The following RERE variants were observed in gnomAD, a reference collection of about 807,000 sequenced individuals.
RERE encodes arginine-glutamic acid dipeptide repeats.
Under a neutral mutation model 146.1 loss-of-function variants are expected in RERE, and 40 were observed. That is an observed-to-expected ratio of 0.27 (90% CI 0.21 to 0.36). The LOEUF is 0.36. Among genes scored for constraint, RERE ranks in the 10% least tolerant of loss-of-function variants. The pLI is 1.00. For synonymous variants in RERE, 1,003 were observed against 866.0 expected, an observed-to-expected ratio of 1.16 and a Z score of -2.78; for missense variants, 1,933 against 2,138.7, an observed-to-expected ratio of 0.90 and a Z score of 1.90.
intron 1 of RERE, among the ~76,000 whole-genome samples, chr1:8,761,991 T>G (rs1342808564): frequency 6.6e-6 from 1 of 152,218 alleles, no homozygotes; most frequent in Non-Finnish European, 1.5e-5. Flanking sequence ...ACTCTCTTCC[T>G]TTCATGACAT....
intron 8 of RERE, among the ~76,000 whole-genome samples, chr1:8,502,595 G>A (rs1645188263): frequency 6.7e-6 from 1 of 148,590 alleles, no homozygotes; most frequent in African/African-American, 2.5e-5. Flanking sequence ...TGTGCCCAGC[G>A]GCTCATTGGG....
At chr1:8,681,751 C>T (rs771582555) in intron 1 of RERE, among the ~76,000 whole-genome samples, 14 of 152,048 alleles carry the variant, frequency 9.2e-5, no homozygotes, top group East Asian at 1.9e-4. Context: ...TAGGTACTAA[C>T]GCAATCACCA....
intron 12 of RERE, among the ~76,000 whole-genome samples, chr1:8,399,511 C>T (rs1436891920): frequency 1.3e-5 from 2 of 152,160 alleles, no homozygotes; most frequent in Non-Finnish European, 2.9e-5. Context: ...TGCATCAATA[C>T]CACCAGGTCT....
intron 1 of RERE, among the ~76,000 whole-genome samples, chr1:8,666,908 C>T (rs1402140065): frequency 6.6e-6 from 1 of 152,214 alleles, no homozygotes; most frequent in African/African-American, 2.4e-5. Flanking sequence ...TAAACTCAAT[C>T]AATCCTGCTA....
chr1:8,504,869 T>C lies in RERE; in HGVS notation c.879+3758A>G, dbSNP rs115992766. Among the ~76,000 whole-genome samples, 1,219 of 151,238 alleles carry C rather than the reference T, an allele frequency of 8.1e-3. 12 individuals are homozygous for C. The highest frequency in any genetic ancestry group is 0.028 in the African/African-American group (1,164 of 41,308). On this transcript the variant is annotated intron_variant, in intron 8 of 22. Coordinates refer to ENST00000400908, the MANE Select transcript of RERE (RefSeq NM_001042681.2). ...CTCCGTCTCAAAAAAAAAAAATAAATGATCAGTGGCTGCTAATTACAATTA... is the reference window on the plus strand; with the variant it reads ...CTCCGTCTCAAAAAAAAAAAATAAACGATCAGTGGCTGCTAATTACAATTA...
chr1:8,815,774 T>C (rs1429274981), intron 1 of RERE, among the ~76,000 whole-genome samples: 3 of 151,828 alleles, frequency 2.0e-5, no homozygotes, highest in Admixed American at 6.6e-5. Context: ...GTCCCAAATA[T>C]GGGAGAGAGA....
chr1:8,370,258 C>G (rs1641984054), intron 12 of RERE, among the ~76,000 whole-genome samples: 1 of 152,020 alleles, frequency 6.6e-6, no homozygotes, highest in South Asian at 2.1e-4. Flanking sequence ...AGCAGGCAGA[C>G]AGGGACGGTG....
chr1:8,767,140 T>G (rs1445045993), intron 1 of RERE, among the ~76,000 whole-genome samples: 1 of 152,148 alleles, frequency 6.6e-6, no homozygotes, highest in Non-Finnish European at 1.5e-5. Flanking sequence ...AAACTGTAAG[T>G]AGTTGGGTAT....
intron 1 of RERE, among the ~76,000 whole-genome samples, chr1:8,807,688 C>T (rs1335086786): frequency 6.6e-6 from 1 of 151,920 alleles, no homozygotes; most frequent in Non-Finnish European, 1.5e-5. Flanking sequence ...GATTCAAGTG[C>T]AAGATAGAAA....
rs1641714331 is a variant in RERE at position 8,364,332 on chromosome 1, C to A, written c.1541-77G>T. 2 of 1,336,228 alleles carry A rather than the reference C, an allele frequency of 1.5e-6. No homozygotes were observed. The highest frequency in any genetic ancestry group is 1.4e-5 in the African/African-American group (1 of 69,672). 82.8% of individuals were successfully genotyped at this position (1,336,228 alleles called of 1,614,324 possible). A position where few individuals can be genotyped will look rare whatever the true frequency, so the allele number is the denominator to read the frequency against. On this transcript the variant is annotated intron_variant, in intron 14 of 22. Coordinates refer to ENST00000400908, the MANE Select transcript of RERE (RefSeq NM_001042681.2). The surrounding 1 kb of genome is among the most constrained non-coding windows in gnomAD (Gnocchi z 5.1). The stretch of plus-strand genomic sequence containing the variant: ...GGGATGTCTGGGCAGAGGGGCCCTT[C>A]TGTGGGCTCTACCCAAACCTGATGC...
chr1:8,381,668 TTTAA>T (rs1433139652), intron 12 of RERE, among the ~76,000 whole-genome samples: 1 of 152,222 alleles, frequency 6.6e-6, no homozygotes, highest in Non-Finnish European at 1.5e-5. Flanking sequence ...CCTTGATCCA[TTTAA>T]TTAGTTAAGG....
intron 11 of RERE, among the ~76,000 whole-genome samples, chr1:8,435,079 A>G (rs1419732248): frequency 6.6e-6 from 1 of 152,250 alleles, no homozygotes; most frequent in Middle Eastern, 3.2e-3. Flanking sequence ...CTAATACAAG[A>G]TTCATTACTA....
chr1:8,786,295 G>A (rs1641257718), intron 1 of RERE: 1 of 932,688 alleles, frequency 1.1e-6, no homozygotes, highest in South Asian at 1.3e-5. Context: ...TCTATCTTGT[G>A]GAGAAAATAA....
intron 1 of RERE, among the ~76,000 whole-genome samples, chr1:8,672,444 G>A (rs1235880907): frequency 6.6e-6 from 1 of 152,078 alleles, no homozygotes; most frequent in East Asian, 1.9e-4. Flanking sequence ...CAAAATCCTG[G>A]GCTACAGGTG....
chr1:8,500,676 C>T (rs1645121764), intron 8 of RERE, among the ~76,000 whole-genome samples: 1 of 150,306 alleles, frequency 6.7e-6, no homozygotes, highest in African/African-American at 2.5e-5. Context: ...CGCCCATCGT[C>T]TGGGATATGA....
At chr1:8,652,115 A>G (rs911732325) in intron 2 of RERE, among the ~76,000 whole-genome samples, 1 of 152,226 alleles carries the variant, frequency 6.6e-6, no homozygotes, top group Non-Finnish European at 1.5e-5. Context: ...AAACGAAAGG[A>G]AACCACTGAG....
At chr1:8,777,076 G>A (rs2124555269) in intron 1 of RERE, among the ~76,000 whole-genome samples, 1 of 152,242 alleles carries the variant, frequency 6.6e-6, no homozygotes, top group South Asian at 2.1e-4. Flanking sequence ...CAGTATCAAA[G>A]TCAAAAATTA....
intron 1 of RERE, among the ~76,000 whole-genome samples, chr1:8,766,843 GAAGGTTTTGTTTT>G (rs917200584): frequency 1.3e-5 from 2 of 152,180 alleles, no homozygotes; most frequent in South Asian, 2.1e-4. Flanking sequence ...AAGGTTTTAA[GAAGGTTTTGTTTT>G]AAGGTTTTGT....
intron 11 of RERE, among the ~76,000 whole-genome samples, chr1:8,446,726 G>C (rs1450364139): frequency 2.6e-5 from 4 of 152,080 alleles, no homozygotes; most frequent in Non-Finnish European, 4.4e-5. Context: ...CCAGGCTGGA[G>C]TGCTGTGGCG....
Sources: allele counts gnomAD v4.1 joint callset (sites outside exome capture counted in the v4.1 genomes callset), GRCh38; gene constraint gnomAD v4.1.1; non-coding constraint Gnocchi (gnomAD v3.1); transcripts MANE v1.5; gene names NCBI Gene and HGNC (gene_info 2026-07-23, HGNC 2026-07-21).